DYNC1H1: variants seen among roughly 807,000 people sequenced by gnomAD.
DYNC1H1 encodes cytoplasmic dynein 1 heavy chain 1.
In DYNC1H1, 51 loss-of-function variants were observed where a neutral mutation model predicts 527.1. The ratio of observed to expected loss-of-function variants is 0.10; its 90% CI spans 0.08 to 0.12. DYNC1H1 has a LOEUF of 0.12. Among genes scored for constraint, DYNC1H1 ranks in the 10% least tolerant of loss-of-function variants. The pLI is 1.00. For synonymous variants in DYNC1H1, 2,189 were observed against 2,278.8 expected (o/e 0.96, Z 1.12); for missense variants, 2,771 against 5,971.8 (o/e 0.46, Z 17.66).
rs1567006266 is a variant in DYNC1H1 at position 102,001,190 on chromosome 14, C to T, written c.4231C>T (p.Arg1411Cys). 6.2e-7 allele frequency: 1 copy of T among 1,614,140 alleles called. No homozygotes were observed. The highest frequency in any genetic ancestry group is 8.5e-7 in the Non-Finnish European group (1 of 1,180,024). Residue 1411 changes from arginine to cysteine, a missense_variant, in exon 20 of 78, where the codon CGC (arginine) becomes TGC (cysteine). By Grantham distance (180) the Arg-to-Cys change is radical. This residue lies in a region of DYNC1H1 where 223 missense variants were observed against 462.5 expected (regional missense o/e 0.48). Transcript: ENST00000360184. This position sits in a 1 kb window ranked among gnomAD's most constrained non-coding sequence, Gnocchi z 5.0. ...IELKSEALKD[R>C]HWKQLMKRLH... Reference sequence around the variant, plus strand: ...ACTGAAATCCGAAGCACTTAAAGACCGCCATTGGAAACAGCTCATGAAAAG... The same window carrying T: ...ACTGAAATCCGAAGCACTTAAAGACTGCCATTGGAAACAGCTCATGAAAAG...
Position 102,010,169 on chromosome 14 carries a change from T to C in DYNC1H1, c.6221+83T>C. ...TTAACCTTAAAATTTTTATATGTAA[T>C]GATGGTACGTCTTTCAAAATATCCA... On this transcript the variant is annotated intron_variant, in intron 30 of 77. Transcript: ENST00000360184. This position sits in a 1 kb window ranked among gnomAD's most constrained non-coding sequence, Gnocchi z 6.0. 1 of 1,612,332 alleles carries C rather than the reference T, an allele frequency of 6.2e-7. No homozygotes were observed. Among genetic ancestry groups the C allele is most frequent in the Non-Finnish European group, 8.5e-7 (1 of 1,179,214 alleles).
rs2048693820 is a variant in DYNC1H1, at chr14:102,044,679, A to T, written c.12987A>T (p.Arg4329Ser). ...SWLGLPNNAE[R>S]VLLTTQGVDM... ...TGGGCCTGCCCAACAACGCCGAGAG[A>T]GTCCTCCTTACCACACAGGGTAGGC... The change falls in exon 72 of 78, where the codon AGA (arginine) becomes AGT (serine). Residue 4329 changes from arginine to serine, a missense_variant. Arg to Ser is a moderately radical substitution (Grantham distance 110). Around this residue, in one of 32 missense-constraint regions of DYNC1H1, gnomAD observed 195 missense variants for 428.6 expected, o/e 0.45. Transcript: ENST00000360184. This position sits in a 1 kb window ranked among gnomAD's most constrained non-coding sequence, Gnocchi z 7.1. 6.2e-7 allele frequency: 1 copy of T among 1,613,876 alleles called. No homozygotes were observed.
Position 102,010,255 on chromosome 14 carries a change from C to T in DYNC1H1, c.6222-21C>T. ...TAAAGTATACTGTTATTAAAGATAGCCTTTTTTTCTTCTTTTCTAGACTAT... is the reference window on the plus strand; with the variant it reads ...TAAAGTATACTGTTATTAAAGATAGTCTTTTTTTCTTCTTTTCTAGACTAT... On this transcript the variant is annotated intron_variant, in intron 30 of 77. Transcript: ENST00000360184. This position sits in a 1 kb window ranked among gnomAD's most constrained non-coding sequence, Gnocchi z 6.0. 1.9e-6 allele frequency: 3 copies of T among 1,613,724 alleles called. No individual in the cohort carries two copies. Among genetic ancestry groups the T allele is most frequent in the Non-Finnish European group, 2.5e-6 (3 of 1,179,984 alleles).
In DYNC1H1 at chr14:102,038,411, A is replaced by G. The variant is rs748255885; in HGVS notation, c.10909-49A>G. ...ACAGCAACATAGCATTTGGGTGAAG[A>G]TAAAGTTACAAAGCCCTGACCATCA... On this transcript the variant is annotated intron_variant, in intron 57 of 77. Coordinates refer to ENST00000360184, the MANE Select transcript of DYNC1H1 (RefSeq NM_001376.5). The surrounding 1 kb of genome is among the most constrained non-coding windows in gnomAD (Gnocchi z 7.2). The G allele has an allele frequency of 1.9e-5, 30 of 1,610,746 alleles. No individual in the cohort carries two copies. In the East Asian group the frequency reaches 6.5e-4, roughly 35 times the overall value.
chr14:102,032,507 A>G (rs370411808), intron 52 of DYNC1H1, 40 bp downstream of exon 52: 14 of 1,613,262 alleles, frequency 8.7e-6, no homozygotes, highest in East Asian at 2.2e-5. Flanking sequence ...CAGAAATTGA[A>G]ATCAGTTGTT....
chr14:102,044,151 C>A lies in DYNC1H1; in HGVS notation c.12684+106C>A. 6.3e-7 allele frequency: 1 copy of A among 1,582,408 alleles called. No homozygotes were observed. The highest frequency in any genetic ancestry group is 1.1e-5 in the South Asian group (1 of 88,566). The stretch of plus-strand genomic sequence containing the variant: ...CTCTGCGTGGAAGAGCGAGCTGACC[C>A]CTCGTGACCGCCAAAGCCTAGCTGG... On this transcript the variant is annotated intron_variant, in intron 70 of 77. Coordinates refer to ENST00000360184, the MANE Select transcript of DYNC1H1 (RefSeq NM_001376.5). This position sits in a 1 kb window ranked among gnomAD's most constrained non-coding sequence, Gnocchi z 7.1.
At chr14:102,035,840 AG>A (rs1203231519) in intron 56 of DYNC1H1, 2 of 152,806 alleles carry the variant, frequency 1.3e-5, no homozygotes, top group African/African-American at 4.8e-5. Flanking sequence ...ACCAAAGAAT[AG>A]GGTCAGAAAG....
chr14:101,978,213 A>G (rs984759274), intron 2 of DYNC1H1, among the ~76,000 whole-genome samples: 1 of 152,204 alleles, frequency 6.6e-6, no homozygotes, highest in African/African-American at 2.4e-5. Context: ...CACCATGCCC[A>G]GCTAATTCTT....
chr14:101,998,888 T>TTGTTTTTTTTG (rs2048097521), intron 16 of DYNC1H1, among the ~76,000 whole-genome samples: 1 of 145,848 alleles, frequency 6.9e-6, no homozygotes, highest in African/African-American at 2.6e-5. Flanking sequence ...TCTTTTTTTT[T>TTGTTTTTTTTG]TTTTTTTTTT....
In DYNC1H1 at chr14:102,038,934, G is replaced by A; in HGVS notation, c.11207-67G>A. On this transcript the variant is annotated intron_variant, in intron 59 of 77. Coordinates refer to ENST00000360184, the MANE Select transcript of DYNC1H1 (RefSeq NM_001376.5). This position sits in a 1 kb window ranked among gnomAD's most constrained non-coding sequence, Gnocchi z 7.2. ...GTGACTAGGATGTTCCACGTTTGTG[G>A]CAAACACTTCTGAGAGCATACCTTT... 6.2e-7 allele frequency: 1 copy of A among 1,613,998 alleles called. No individual in the cohort carries two copies. The highest frequency in any genetic ancestry group is 8.5e-7 in the Non-Finnish European group (1 of 1,180,042).
In DYNC1H1 at chr14:102,029,349, G is replaced by A. The variant is rs2048484702; in HGVS notation, c.9469-190G>A. ...GTTTAGAGAAGTTAAAGGGCTTAGAGAGGTTTGGAAGTGTAAGGGGTATCT... is the reference window on the plus strand; with the variant it reads ...GTTTAGAGAAGTTAAAGGGCTTAGAAAGGTTTGGAAGTGTAAGGGGTATCT... On this transcript the variant is annotated intron_variant, in intron 48 of 77. Coordinates refer to ENST00000360184, the MANE Select transcript of DYNC1H1 (RefSeq NM_001376.5). The surrounding 1 kb of genome is among the most constrained non-coding windows in gnomAD (Gnocchi z 5.3). The A allele has an allele frequency of 1.5e-6, 1 of 657,882 alleles. No homozygotes were observed. Among genetic ancestry groups the A allele is most frequent in the Non-Finnish European group, 2.6e-6 (1 of 383,736 alleles). The allele number at this position is 657,882 out of a possible 1,614,324, so 40.8% of individuals were successfully genotyped here. A position where few individuals can be genotyped will look rare whatever the true frequency, so the allele number is the denominator to read the frequency against.
In DYNC1H1 at chr14:101,985,852, A is replaced by G; in HGVS notation, c.1627A>G (p.Thr543Ala). The change falls in exon 8 of 78, where the codon ACG becomes GCG. Residue 543 changes from threonine to alanine, a missense_variant. Physicochemically the swap from Thr to Ala is moderately conservative, Grantham distance 58. Around this residue, in one of 32 missense-constraint regions of DYNC1H1, gnomAD observed 264 missense variants for 619.4 expected, o/e 0.43. Coordinates refer to ENST00000360184, the MANE Select transcript of DYNC1H1 (RefSeq NM_001376.5). The surrounding 1 kb of genome is among the most constrained non-coding windows in gnomAD (Gnocchi z 5.9). The stretch of plus-strand genomic sequence containing the variant: ...TGGACTGGATGTTTCCAAAGAGGGC[A>G]CGGAAGCCTGGGAGGCTGCTATGAA... ...VDGLDVSKEG[T>A]EAWEAAMKRY... is the part of the protein sequence containing the mutation. 6.2e-7 allele frequency: 1 copy of G among 1,614,194 alleles called. No individual in the cohort carries two copies. The highest frequency in any genetic ancestry group is 8.5e-7 in the Non-Finnish European group (1 of 1,180,032).
rs751618300 is a variant in DYNC1H1 at position 102,040,241 on chromosome 14, C to T, written c.11696C>T (p.Pro3899Leu). 1.2e-6 allele frequency: 2 copies of T among 1,614,090 alleles called. No homozygotes were observed. The highest frequency in any genetic ancestry group is 1.7e-6 in the Non-Finnish European group (2 of 1,180,028). ...RIKLKGTVGE[P>L]TYDAEFQHFL... Reference sequence around the variant, plus strand: ...ACCTGTTGCACCCTTCGCAGGGAGCCCACCTACGATGCAGAATTCCAGCAC... The same window carrying T: ...ACCTGTTGCACCCTTCGCAGGGAGCTCACCTACGATGCAGAATTCCAGCAC... The change falls in exon 63 of 78, where the codon CCC becomes CTC. Residue 3899 changes from proline (P) to leucine (L), a missense_variant. Pro to Leu is a moderately conservative substitution (Grantham distance 98, BLOSUM62 -3). Transcript: ENST00000360184.
rs2152579627 is a variant in DYNC1H1 at position 102,012,648 on chromosome 14, C to G, written c.7014+178C>G. ...CTAGATTTTTTTTCCATTTCCATGGCTAGTGAGAAACATTTTAATAGGTTT... is the reference window on the plus strand; with the variant it reads ...CTAGATTTTTTTTCCATTTCCATGGGTAGTGAGAAACATTTTAATAGGTTT... On this transcript the variant is annotated intron_variant, in intron 34 of 77. Coordinates refer to ENST00000360184, the MANE Select transcript of DYNC1H1 (RefSeq NM_001376.5). This position sits in a 1 kb window ranked among gnomAD's most constrained non-coding sequence, Gnocchi z 4.9. The G allele has an allele frequency of 1.3e-6, 1 of 798,266 alleles. No homozygotes were observed. Among genetic ancestry groups the G allele is most frequent in the Middle Eastern group, 3.6e-4 (1 of 2,790 alleles). 49.4% of individuals were successfully genotyped at this position (798,266 alleles called of 1,614,324 possible).
Position 101,986,633 on chromosome 14 carries a change from T to G in DYNC1H1, c.2408T>G (p.Leu803Arg). The G allele has an allele frequency of 6.2e-7, 1 of 1,613,020 alleles. No individual in the cohort carries two copies. ...GTGGAGGAGCGGAACACCATTTCCCTTTTGGTGGCTGGCTTGAAAAAGGAA... is the reference window on the plus strand; with the variant it reads ...GTGGAGGAGCGGAACACCATTTCCCGTTTGGTGGCTGGCTTGAAAAAGGAA... The part of the protein sequence containing the change: ...EKVEERNTIS[L>R]LVAGLKKEVQ... Residue 803 changes from leucine to arginine, a missense_variant, in exon 8 of 78, where the codon CTT (leucine) becomes CGT (arginine). Leu to Arg is a moderately radical substitution (Grantham distance 102). Around this residue, in one of 32 missense-constraint regions of DYNC1H1, gnomAD observed 24 missense variants for 19.0 expected, o/e 1.26. Coordinates refer to ENST00000360184, the MANE Select transcript of DYNC1H1 (RefSeq NM_001376.5). This position sits in a 1 kb window ranked among gnomAD's most constrained non-coding sequence, Gnocchi z 8.7.
At chr14:101,975,030 T>C (rs970678561) in intron 1 of DYNC1H1, among the ~76,000 whole-genome samples, 1 of 152,208 alleles carries the variant, frequency 6.6e-6, no homozygotes, top group African/African-American at 2.4e-5. Context: ...GGATGTTTCT[T>C]GATACTTTTC....
At chr14:102,043,697 C>T (rs1207448284) in intron 69 of DYNC1H1, 178 bp from the exon 70 acceptor site, 17 of 725,536 alleles carry the variant, frequency 2.3e-5, no homozygotes, top group South Asian at 1.8e-4. Context: ...TTGGATGACA[C>T]GTCTATTAAT....
chr14:101,977,496 A>T (rs554824745), intron 2 of DYNC1H1, among the ~76,000 whole-genome samples: 1 of 152,242 alleles, frequency 6.6e-6, no homozygotes, highest in African/African-American at 2.4e-5. Flanking sequence ...GAACAAGGAC[A>T]TTCTCATTCG....
In DYNC1H1 at chr14:102,027,245, G is replaced by A. The variant is rs780690762; in HGVS notation, c.8843G>A (p.Arg2948His). 6.8e-6 allele frequency: 11 copies of A among 1,613,946 alleles called. No homozygotes were observed. The highest frequency in any genetic ancestry group is 2.2e-5 in the East Asian group (1 of 44,884). ...VSGAGKTTLS[R>H]FVAWMNGLSV... ...GGAGCAGGAAAAACTACCCTGTCTC[G>A]TTTCGTCGCCTGGATGAACGGTTTG... Residue 2948 changes from arginine (R) to histidine (H), a missense_variant, in exon 45 of 78, where the codon CGT becomes CAT. By Grantham distance (29) the Arg-to-His change is conservative. Transcript: ENST00000360184. This position sits in a 1 kb window ranked among gnomAD's most constrained non-coding sequence, Gnocchi z 7.7.
Sources: gnomAD v4.1 joint callset for allele counts (sites outside exome capture counted in the v4.1 genomes callset) on GRCh38, gnomAD v4.1.1 for gene constraint, gnomAD v4.1.1 regional missense constraint, Gnocchi (gnomAD v3.1) non-coding constraint, MANE v1.5 for transcripts, NCBI Gene and HGNC (gene_info 2026-07-23, HGNC 2026-07-21) for gene names.